The following XKR9 variants were observed in gnomAD, a reference collection of about 807,000 sequenced individuals.
XKR9 encodes XK-related protein 9.
Under a neutral mutation model 32.0 loss-of-function variants are expected in XKR9, and 32 were observed. The ratio of observed to expected loss-of-function variants is 1.00; its 90% CI spans 0.76 to 1.34. The LOEUF is 1.34. Among genes scored for constraint, XKR9 ranks in the 40% most tolerant of loss-of-function variants. The pLI, the probability that XKR9 is intolerant of heterozygous loss-of-function variation, is 0.00. For missense variants in XKR9, 546 were observed against 429.7 expected (o/e 1.27, Z -2.39); for synonymous variants, 168 against 143.4 (o/e 1.17, Z -1.22).
the XKR9 span, among the ~76,000 whole-genome samples, chr8:70,941,009 C>T: frequency 6.6e-6 from 1 of 151,998 alleles, no homozygotes; most frequent in Non-Finnish European, 1.5e-5. Context: ...ATAAAATTAA[C>T]ATTTTGGGGT....
At chr8:70,860,614 A>G in the XKR9 span, among the ~76,000 whole-genome samples, 1 of 151,868 alleles carries the variant, frequency 6.6e-6, no homozygotes, top group South Asian at 2.1e-4. Flanking sequence ...CTCCTCCAGC[A>G]TAGGCATTCT....
the XKR9 span, among the ~76,000 whole-genome samples, chr8:70,874,408 A>T: frequency 6.6e-6 from 1 of 152,224 alleles, no homozygotes; most frequent in Admixed American, 6.5e-5. Flanking sequence ...ACTCTGATAT[A>T]TCTGTAATAA....
At chr8:71,065,318 A>G in the XKR9 span, among the ~76,000 whole-genome samples, 98 of 152,296 alleles carry the variant, frequency 6.4e-4, no homozygotes, top group Non-Finnish European at 1.2e-3. Context: ...TATAAGAAGA[A>G]GAGGAAATTA....
At chr8:70,724,855 C>T (rs1010175991) in intron 4 of XKR9, among the ~76,000 whole-genome samples, 2 of 152,134 alleles carry the variant, frequency 1.3e-5, no homozygotes, top group Admixed American at 6.6e-5. Flanking sequence ...TTTTGGGTAT[C>T]TTTATAGCAG....
chr8:71,016,677 C>A, the XKR9 span, among the ~76,000 whole-genome samples: 1 of 152,128 alleles, frequency 6.6e-6, no homozygotes, highest in Admixed American at 6.6e-5. Flanking sequence ...AGATATGATA[C>A]CCCAGTCACA....
chr8:70,936,897 T>C, the XKR9 span, among the ~76,000 whole-genome samples: 1 of 152,090 alleles, frequency 6.6e-6, no homozygotes, highest in African/African-American at 2.4e-5. Context: ...TGTTTTTTTC[T>C]TTTAAAAAAT....
intron 2 of XKR9, among the ~76,000 whole-genome samples, chr8:70,761,727 T>C (rs774721479): frequency 6.9e-4 from 105 of 152,222 alleles, no homozygotes; most frequent in Non-Finnish European, 1.3e-3. Flanking sequence ...TTTTTGCTTT[T>C]GTTGCAATTA....
At chr8:70,810,482 A>G in the XKR9 span, among the ~76,000 whole-genome samples, 5 of 152,252 alleles carry the variant, frequency 3.3e-5, no homozygotes, top group African/African-American at 1.2e-4. Flanking sequence ...TCCAATTAAA[A>G]GACACAGACT....
At chr8:70,994,205 C>G in the XKR9 span, among the ~76,000 whole-genome samples, 2 of 152,126 alleles carry the variant, frequency 1.3e-5, no homozygotes, top group Non-Finnish European at 2.9e-5. Context: ...CCCTGATACC[C>G]TTGTTTTCTT....
At chr8:71,013,358 C>T in the XKR9 span, among the ~76,000 whole-genome samples, 7 of 152,080 alleles carry the variant, frequency 4.6e-5, no homozygotes, top group African/African-American at 1.7e-4. Flanking sequence ...CCCTTAACTT[C>T]CCAGGTTGCC....
At chr8:71,010,423 G>T in the XKR9 span, among the ~76,000 whole-genome samples, 2 of 152,190 alleles carry the variant, frequency 1.3e-5, no homozygotes, top group Non-Finnish European at 2.9e-5. Flanking sequence ...AGGCTGGGAA[G>T]AATGTTTGCA....
At chr8:71,015,729 A>C in the XKR9 span, among the ~76,000 whole-genome samples, 2 of 152,186 alleles carry the variant, frequency 1.3e-5, no homozygotes, top group Admixed American at 6.5e-5. Context: ...TAAAGTGCTA[A>C]GACTGGAGTT....
the XKR9 span, among the ~76,000 whole-genome samples, chr8:70,865,680 A>G: frequency 1.3e-5 from 2 of 152,206 alleles, no homozygotes. Context: ...CTAATGCCAG[A>G]TCTGCAATGG....
At chr8:70,766,380 G>GTT (rs893264700) in intron 2 of XKR9, among the ~76,000 whole-genome samples, 3 of 152,142 alleles carry the variant, frequency 2.0e-5, no homozygotes, top group African/African-American at 7.2e-5. Flanking sequence ...GTGAATGGGA[G>GTT]TTCACTCATG....
At chr8:70,852,277 G>A in the XKR9 span, among the ~76,000 whole-genome samples, 1 of 152,122 alleles carries the variant, frequency 6.6e-6, no homozygotes, top group Non-Finnish European at 1.5e-5. Context: ...AAAAAGTCAG[G>A]AAACAACAGC....
At chr8:71,033,641 T>C in the XKR9 span, among the ~76,000 whole-genome samples, 1 of 152,154 alleles carries the variant, frequency 6.6e-6, no homozygotes, top group Non-Finnish European at 1.5e-5. Flanking sequence ...GTTGCTCTCA[T>C]GGGAATGGAT....
At chr8:70,770,103 A>T (rs902513298) in intron 2 of XKR9, among the ~76,000 whole-genome samples, 23 of 152,194 alleles carry the variant, frequency 1.5e-4, no homozygotes, top group African/African-American at 5.5e-4. Flanking sequence ...TTTAATGCAG[A>T]GGACCTTTGG....
the XKR9 span, among the ~76,000 whole-genome samples, chr8:70,799,076 T>C: frequency 6.6e-6 from 1 of 152,188 alleles, no homozygotes; most frequent in Admixed American, 6.5e-5. Context: ...TTTTTTCATT[T>C]TCTGTAAAGA....
the XKR9 span, among the ~76,000 whole-genome samples, chr8:70,867,933 A>G: frequency 2.4e-3 from 369 of 152,308 alleles, no homozygotes; most frequent in African/African-American, 8.6e-3. Flanking sequence ...AATGGGAAAA[A>G]TTGGCCAAAA....
Sources: allele counts gnomAD v4.1 joint callset (sites outside exome capture counted in the v4.1 genomes callset), GRCh38; gene constraint gnomAD v4.1.1; transcripts MANE v1.5; gene names NCBI Gene and HGNC (gene_info 2026-07-23, HGNC 2026-07-21).